The following LRRTM3 variants were observed in gnomAD, a reference collection of about 807,000 sequenced individuals.
The protein encoded by LRRTM3 is leucine rich repeat transmembrane neuronal 3, also known as leucine-rich repeat transmembrane neuronal protein 3.
In LRRTM3, 24 loss-of-function variants were observed where a neutral mutation model predicts 44.7. That is an observed-to-expected ratio of 0.54 (90% confidence interval 0.39 to 0.76). The LOEUF (loss-of-function observed/expected upper bound fraction) is 0.76, where lower values mean the gene tolerates loss of function less well. Among genes scored for constraint, LRRTM3 ranks in the 30% least tolerant of loss-of-function variants. The pLI, the probability that LRRTM3 is intolerant of heterozygous loss-of-function variation, is 0.00. For synonymous variants in LRRTM3, 277 were observed against 278.7 expected (o/e 0.99, Z 0.06); for missense variants, 587 against 702.2 (o/e 0.84, Z 1.85).
intron 2 of LRRTM3, among the ~76,000 whole-genome samples, chr10:67,040,540 C>G (rs1267156079): frequency 1.3e-5 from 2 of 152,056 alleles, no homozygotes; most frequent in African/African-American, 4.8e-5. Context: ...TACCCACTCT[C>G]CCTTAGTTCT....
At chr10:66,957,350 C>T (rs1848844184) in intron 2 of LRRTM3, among the ~76,000 whole-genome samples, 1 of 147,152 alleles carries the variant, frequency 6.8e-6, no homozygotes. Flanking sequence ...GTAAAAAATA[C>T]TTTAGAAGAA....
chr10:67,086,053 C>T (rs1417889513), intron 2 of LRRTM3, among the ~76,000 whole-genome samples: 1 of 151,816 alleles, frequency 6.6e-6, no homozygotes, highest in Non-Finnish European at 1.5e-5. Context: ...GTTTCATTCA[C>T]CCAAGATCTC....
chr10:66,981,119 G>A (rs1157506778), intron 2 of LRRTM3, among the ~76,000 whole-genome samples: 1 of 152,102 alleles, frequency 6.6e-6, no homozygotes, highest in Admixed American at 6.5e-5. Context: ...GGTCAGGCTG[G>A]TCTCGAACTC....
intron 2 of LRRTM3, among the ~76,000 whole-genome samples, chr10:66,938,487 A>G (rs986822854): frequency 6.6e-6 from 1 of 152,206 alleles, no homozygotes; most frequent in African/African-American, 2.4e-5. Flanking sequence ...AAATATATTT[A>G]TTATTCATTA....
chr10:67,063,582 G>A (rs1295646568), intron 2 of LRRTM3, among the ~76,000 whole-genome samples: 1 of 152,178 alleles, frequency 6.6e-6, no homozygotes, highest in Non-Finnish European at 1.5e-5. Context: ...TGAAAGGTTG[G>A]GACCAGTGAA....
chr10:66,931,082 A>G (rs1564775068), intron 2 of LRRTM3, among the ~76,000 whole-genome samples: 2 of 150,878 alleles, frequency 1.3e-5, no homozygotes, highest in East Asian at 3.9e-4. Flanking sequence ...TCATAAATCT[A>G]TTTGTATAAG....
intron 2 of LRRTM3, among the ~76,000 whole-genome samples, chr10:67,066,483 A>G (rs1589688089): frequency 6.8e-6 from 1 of 146,284 alleles, no homozygotes; most frequent in Non-Finnish European, 1.5e-5. Context: ...GAACCACCGC[A>G]CCTGGCCAAG....
intron 2 of LRRTM3, among the ~76,000 whole-genome samples, chr10:66,979,603 C>T (rs1209077217): frequency 2.0e-5 from 3 of 152,108 alleles, no homozygotes; most frequent in African/African-American, 7.2e-5. Context: ...CATTCTATCC[C>T]TCAATTGCCA....
chr10:66,945,103 A>G (rs1848211010), intron 2 of LRRTM3, among the ~76,000 whole-genome samples: 1 of 152,104 alleles, frequency 6.6e-6, no homozygotes, highest in Admixed American at 6.6e-5. Flanking sequence ...CTAACAAGAG[A>G]CTCAGCTTGT....
intron 2 of LRRTM3, among the ~76,000 whole-genome samples, chr10:66,938,622 G>C (rs1437834645): frequency 2.0e-5 from 3 of 152,144 alleles, no homozygotes; most frequent in Non-Finnish European, 4.4e-5. Flanking sequence ...TAATCCACGT[G>C]TGAGTAGACT....
intron 2 of LRRTM3, among the ~76,000 whole-genome samples, chr10:66,983,674 C>T (rs1850571850): frequency 6.6e-6 from 1 of 152,118 alleles, no homozygotes; most frequent in Non-Finnish European, 1.5e-5. Context: ...CAGAAATGAC[C>T]TCAGGTGGAG....
intron 2 of LRRTM3, among the ~76,000 whole-genome samples, chr10:66,998,233 C>CT (rs1851467587): frequency 6.6e-6 from 1 of 152,172 alleles, no homozygotes; most frequent in South Asian, 2.1e-4. Context: ...TGCTACAATT[C>CT]TTTTTCTATA....
chr10:67,026,010 A>G (rs985249734), intron 2 of LRRTM3, among the ~76,000 whole-genome samples: 2 of 151,326 alleles, frequency 1.3e-5, no homozygotes, highest in Non-Finnish European at 2.9e-5. Context: ...TCGCAAGGAC[A>G]AAAAACCAAA....
chr10:67,045,352 C>T (rs1407034317), intron 2 of LRRTM3, among the ~76,000 whole-genome samples: 1 of 152,002 alleles, frequency 6.6e-6, no homozygotes, highest in African/African-American at 2.4e-5. Context: ...TGGCAGAAAC[C>T]CTGGAGGTCA....
chr10:66,970,456 G>A (rs1192122729), intron 2 of LRRTM3, among the ~76,000 whole-genome samples: 2 of 145,478 alleles, frequency 1.4e-5, no homozygotes, highest in East Asian at 4.0e-4. Flanking sequence ...GTTCAGTGAG[G>A]TAACTGGTAG....
At chr10:66,951,402 C>T (rs1018686748) in intron 2 of LRRTM3, among the ~76,000 whole-genome samples, 3 of 152,184 alleles carry the variant, frequency 2.0e-5, no homozygotes, top group Non-Finnish European at 4.4e-5. Context: ...AGGCATAAGC[C>T]ACCATGCCCA....
chr10:66,995,806 C>G (rs1175429199), intron 2 of LRRTM3, among the ~76,000 whole-genome samples: 1 of 152,170 alleles, frequency 6.6e-6, no homozygotes, highest in Non-Finnish European at 1.5e-5. Context: ...AGGTCTAATA[C>G]AAGCATTACT....
At chr10:67,076,497 A>G (rs944325573) in intron 2 of LRRTM3, among the ~76,000 whole-genome samples, 11 of 152,236 alleles carry the variant, frequency 7.2e-5, no homozygotes, top group African/African-American at 2.7e-4. Flanking sequence ...CCAGGACTCC[A>G]TCAGAATGCC....
At chr10:67,076,999 T>A (rs1460806884) in intron 2 of LRRTM3, among the ~76,000 whole-genome samples, 4 of 152,184 alleles carry the variant, frequency 2.6e-5, no homozygotes, top group Non-Finnish European at 5.9e-5. Flanking sequence ...CATTGTCTCT[T>A]GTTTCAGGCA....
Sources: gnomAD v4.1 joint callset for allele counts (sites outside exome capture counted in the v4.1 genomes callset) on GRCh38, gnomAD v4.1.1 for gene constraint, MANE v1.5 for transcripts, NCBI Gene and HGNC (gene_info 2026-07-23, HGNC 2026-07-21) for gene names.